FHIT: variants seen among roughly 807,000 people sequenced by gnomAD.
FHIT encodes the protein fragile histidine triad diadenosine triphosphatase.
A neutral mutation model predicts 17.9 loss-of-function variants in FHIT; 19 were observed. The observed-to-expected ratio is 1.06, with a 90% confidence interval of 0.74 to 1.56. The LOEUF (loss-of-function observed/expected upper bound fraction) is 1.56. Among genes scored for constraint, FHIT ranks in the 40% most tolerant of loss-of-function variants. The probability of loss-of-function intolerance (pLI) is 0.00; values close to 1 mark genes in which losing one functional copy is unlikely to be tolerated. For missense variants in FHIT, 248 were observed against 189.2 expected, an observed-to-expected ratio of 1.31 and a Z score of -1.82; for synonymous variants, 81 against 69.7, an observed-to-expected ratio of 1.16 and a Z score of -0.81.
intron 5 of FHIT, among the ~76,000 whole-genome samples, chr3:60,491,832 T>C (rs1452699674): frequency 2.0e-5 from 3 of 152,188 alleles, no homozygotes; most frequent in Non-Finnish European, 4.4e-5. Flanking sequence ...TCCTTAAATT[T>C]TTTTTTACAA....
intron 8 of FHIT, among the ~76,000 whole-genome samples, chr3:59,903,066 T>C (rs1575669178): frequency 2.6e-5 from 4 of 152,324 alleles, no homozygotes; most frequent in Middle Eastern, 3.4e-3. Context: ...ATCTTAAATA[T>C]ATATAATTTT....
At position 60,756,123 on chromosome 3, in the gene FHIT, A is replaced by C. The variant is rs1171602463; in HGVS notation, c.-18+65796T>G. On this transcript the variant is annotated intron_variant, in intron 4 of 9. Transcript: ENST00000492590. The stretch of plus-strand genomic sequence containing the variant: ...ACAGAGAATGCATTCAAAGTGTATT[A>C]GTTAAATTTCACTAAAAAGAAGTAA... Among the ~76,000 whole-genome samples, 10 of 152,372 alleles carry C rather than the reference A, an allele frequency of 6.6e-5. No homozygotes were observed. The East Asian group carries it at 7.7e-4, about 12-fold the overall frequency.
At chr3:60,547,237 TCA>T (rs2036397118) in intron 4 of FHIT, among the ~76,000 whole-genome samples, 1 of 152,086 alleles carries the variant, frequency 6.6e-6, no homozygotes, top group African/African-American at 2.4e-5. Context: ...CCAGGGAAAA[TCA>T]TCTTCAGGGA....
intron 4 of FHIT, among the ~76,000 whole-genome samples, chr3:60,752,673 GT>G (rs1450550338): frequency 6.6e-6 from 1 of 152,162 alleles, no homozygotes; most frequent in Non-Finnish European, 1.5e-5. Context: ...AATCATGAGT[GT>G]TTGCTGTTGG....
At chr3:60,555,780 C>A (rs1038176040) in intron 4 of FHIT, among the ~76,000 whole-genome samples, 3 of 152,204 alleles carry the variant, frequency 2.0e-5, no homozygotes, top group Non-Finnish European at 2.9e-5. Context: ...TCATCCAACA[C>A]TAACAAGCTA....
chr3:60,941,233 C>A (rs1442275216), intron 3 of FHIT, among the ~76,000 whole-genome samples: 2 of 152,110 alleles, frequency 1.3e-5, no homozygotes, highest in Non-Finnish European at 2.9e-5. Context: ...TGGGAAAGTG[C>A]CATTTTAAAC....
At chr3:60,399,967 A>G (rs1215703725) in intron 5 of FHIT, among the ~76,000 whole-genome samples, 1 of 152,160 alleles carries the variant, frequency 6.6e-6, no homozygotes, top group Admixed American at 6.6e-5. Flanking sequence ...CCCAGCCTCC[A>G]GGAACTAGTC....
rs374947366 is a variant in FHIT at position 60,266,314 on chromosome 3, G to C, written c.104-252162C>G. On this transcript the variant is annotated intron_variant, in intron 5 of 9. Transcript: ENST00000492590. ...CAGTCACAAAAGACCACAACTGTGT[G>C]ATTTCATTTATAGGAAATGTCCAGA... Among the ~76,000 whole-genome samples, 102 of 152,164 alleles carry C rather than the reference G, an allele frequency of 6.7e-4. No individual in the cohort carries two copies. The South Asian group carries it at 0.021, about 31-fold the overall frequency.
chr3:60,066,914 G>A (rs1702540535), intron 5 of FHIT, among the ~76,000 whole-genome samples: 2 of 151,976 alleles, frequency 1.3e-5, no homozygotes, highest in South Asian at 4.1e-4. Flanking sequence ...AAAGTGCTGG[G>A]ATTACAGGCG....
At chr3:60,886,650 C>T (rs34412028) in intron 3 of FHIT, among the ~76,000 whole-genome samples, 32,431 of 151,948 alleles carry the variant, frequency 0.21, 3,724 homozygotes, top group Middle Eastern at 0.28. Flanking sequence ...TCTAGAGATT[C>T]CTGAAGAAAC....
At position 60,101,154 on chromosome 3, in the gene FHIT, C is replaced by T. The variant is rs114516992; in HGVS notation, c.104-87002G>A. Among the ~76,000 whole-genome samples the T allele has an allele frequency of 5.0e-3, 757 of 152,332 alleles. 3 individuals are homozygous for T. Among genetic ancestry groups the T allele is most frequent in the African/African-American group, 0.017 (716 of 41,576 alleles). ...TATTCTAATCCTTTCTGTATACAGCCGCCAGAAGGGCTTGACACAAATGTA... is the reference window on the plus strand; with the variant it reads ...TATTCTAATCCTTTCTGTATACAGCTGCCAGAAGGGCTTGACACAAATGTA... On this transcript the variant is annotated intron_variant, in intron 5 of 9. Transcript: ENST00000492590.
In FHIT at chr3:59,890,935, AGC is replaced by A. The variant is rs1703828796; in HGVS notation, c.348+31409_348+31410del. On this transcript the variant is annotated intron_variant, in intron 8 of 9. Coordinates refer to ENST00000492590, the MANE Select transcript of FHIT (RefSeq NM_002012.4). The stretch of plus-strand genomic sequence containing the variant: ...TCTGTTATCATTCTGAAGAACAAAG[AGC>A]ACACACTTTGAGAAGAGATGGCCCT... Among the ~76,000 whole-genome samples, 3 of 152,320 alleles carry A rather than the reference AGC, an allele frequency of 2.0e-5. 1 individual carries two copies. The highest frequency in any genetic ancestry group is 6.5e-5 in the Admixed American group (1 of 15,302).
intron 8 of FHIT, among the ~76,000 whole-genome samples, chr3:59,869,043 A>C (rs1376211507): frequency 6.6e-6 from 1 of 152,186 alleles, no homozygotes; most frequent in African/African-American, 2.4e-5. Context: ...ACCACCCCAA[A>C]TCATATGAAA....
chr3:60,648,311 A>G (rs1553687340), intron 4 of FHIT, among the ~76,000 whole-genome samples: 1 of 152,236 alleles, frequency 6.6e-6, no homozygotes, highest in African/African-American at 2.4e-5. Flanking sequence ...TTTTAAAATT[A>G]GAGCCCAATT....
At chr3:61,203,209 C>T (rs997534975) in intron 1 of FHIT, among the ~76,000 whole-genome samples, 91 of 138,384 alleles carry the variant, frequency 6.6e-4, no homozygotes, top group African/African-American at 2.4e-3. Flanking sequence ...ATTAGCTGGG[C>T]GTGGTGGTGG....
intron 4 of FHIT, among the ~76,000 whole-genome samples, chr3:60,580,192 A>G (rs2037707461): frequency 6.6e-6 from 1 of 152,164 alleles, no homozygotes; most frequent in African/African-American, 2.4e-5. Flanking sequence ...AATACAGTGT[A>G]TAAATGTCTA....
chr3:60,732,446 C>T, intron 4 of FHIT: 1 of 731,722 alleles, frequency 1.4e-6, no homozygotes, highest in Non-Finnish European at 2.6e-6. Context: ...GAAGTCACCA[C>T]CCTGACATAT....
intron 4 of FHIT, among the ~76,000 whole-genome samples, chr3:60,738,175 G>A (rs1413699883): frequency 1.3e-5 from 2 of 152,110 alleles, no homozygotes; most frequent in East Asian, 1.9e-4. Flanking sequence ...ATGAAAGACC[G>A]CCAGTGCTCA....
intron 3 of FHIT, among the ~76,000 whole-genome samples, chr3:60,956,788 A>G (rs1331529535): frequency 3.3e-5 from 5 of 152,250 alleles, no homozygotes; most frequent in African/African-American, 1.2e-4. Flanking sequence ...CACTTTGGAT[A>G]TGTAATAATA....
Sources: gnomAD v4.1 joint callset for allele counts (sites outside exome capture counted in the v4.1 genomes callset) on GRCh38, gnomAD v4.1.1 for gene constraint, MANE v1.5 for transcripts, NCBI Gene and HGNC (gene_info 2026-07-23, HGNC 2026-07-21) for gene names.